The following NUP210 variants were observed in gnomAD, a reference collection of about 807,000 sequenced individuals.
NUP210 encodes the protein nuclear pore membrane glycoprotein 210.
NUP210 carries 151 observed loss-of-function variants against 196.0 expected under a neutral mutation model. That is an observed-to-expected ratio of 0.77 (90% confidence interval 0.67 to 0.88). NUP210 has a LOEUF of 0.88. Among genes scored for constraint, NUP210 ranks in the 40% least tolerant of loss-of-function variants. The pLI is 0.00. For missense variants in NUP210, 2,314 were observed against 2,493.7 expected (o/e 0.93, Z 1.53); for synonymous variants, 1,070 against 1,052.7 (o/e 1.02, Z -0.32).
In NUP210 at chr3:13,360,414, AG is replaced by A; in HGVS notation, c.2009del (p.Pro670LeufsTer41). Reference protein sequence around the residue: ...KEMLFEGGPRPWILEPSKFFQ... With the variant: ...KEMLFEGGPRXWILEPSKFFQ... Reference sequence around the variant, plus strand: ...AGAATTTGGACGGCTCGAGGATCCAAGGTCTGGGACCTCCTTCAAACAGCAT... The same window carrying A: ...AGAATTTGGACGGCTCGAGGATCCAAGTCTGGGACCTCCTTCAAACAGCAT... On this transcript the variant is annotated frameshift_variant, in exon 15 of 40. Coordinates refer to ENST00000254508, the MANE Select transcript of NUP210 (RefSeq NM_024923.4). LOFTEE classifies it high-confidence loss of function. The A allele has an allele frequency of 6.2e-7, 1 of 1,614,104 alleles. No homozygotes were observed. The highest frequency in any genetic ancestry group is 8.5e-7 in the Non-Finnish European group (1 of 1,179,994).
Position 13,394,781 on chromosome 3 carries a change from C to T in NUP210, c.436+2576G>A, listed in dbSNP as rs376373607. ...TTCTCTTTCTTGACATTCATCAATA[C>T]AGATAAGGCACATCATTTCTGGGAC... On this transcript the variant is annotated intron_variant, in intron 3 of 39. Transcript: ENST00000254508. 8.5e-5 allele frequency among the ~76,000 whole-genome samples: 13 copies of T among 152,322 alleles called. No individual in the cohort carries two copies. In the East Asian group the frequency reaches 9.6e-4, roughly 11 times the overall value.
intron 3 of NUP210, among the ~76,000 whole-genome samples, chr3:13,391,939 A>G (rs1163220489): frequency 6.6e-6 from 1 of 151,980 alleles, no homozygotes; most frequent in Non-Finnish European, 1.5e-5. Context: ...CAGATGCCAC[A>G]TGCAAGTCTA....
chr3:13,400,296 G>A (rs1298275649), intron 1 of NUP210, among the ~76,000 whole-genome samples: 26 of 152,170 alleles, frequency 1.7e-4, no homozygotes, highest in Non-Finnish European at 2.9e-5. Flanking sequence ...GCGCACAGCA[G>A]GCTCCAGGCA....
intron 33 of NUP210, among the ~76,000 whole-genome samples, chr3:13,324,895 C>G (rs538779339): frequency 4.6e-5 from 7 of 152,352 alleles, no homozygotes; most frequent in African/African-American, 1.7e-4. Context: ...TTCTGACGTG[C>G]TAACTCACTA....
chr3:13,351,891 C>G lies in NUP210; in HGVS notation c.2823G>C (p.Arg941Ser), dbSNP rs1186166728. ...GGCCCAAGCTTACCATGGCGACACC[C>G]CTGGCCTCCTGGTAGGCCACCTTGA... is the stretch of plus-strand genomic sequence containing the variant. ...DVVKVAYQEA[R>S]GVAMVHPLLP... Residue 941 changes from arginine to serine, a missense_variant, in exon 20 of 40, where the codon AGG (arginine) becomes AGC (serine). By Grantham distance (110) the Arg-to-Ser change is moderately radical (BLOSUM62 -1). Transcript: ENST00000254508. 1.9e-6 allele frequency: 3 copies of G among 1,611,046 alleles called. No individual in the cohort carries two copies. The highest frequency in any genetic ancestry group is 2.5e-6 in the Non-Finnish European group (3 of 1,177,398).
At chr3:13,366,457 C>T (rs1311809206) in intron 13 of NUP210, among the ~76,000 whole-genome samples, 1 of 151,282 alleles carries the variant, frequency 6.6e-6, no homozygotes, top group Admixed American at 6.6e-5. Context: ...GTGGGGAAGG[C>T]ACAACAGGCT....
intron 28 of NUP210, among the ~76,000 whole-genome samples, chr3:13,333,884 A>G (rs182379810): frequency 3.9e-5 from 6 of 152,330 alleles, no homozygotes; most frequent in African/African-American, 1.2e-4. Flanking sequence ...TAACTATAAG[A>G]AAAGCAACAG....
intron 1 of NUP210, among the ~76,000 whole-genome samples, chr3:13,414,300 C>G (rs757940529): frequency 6.6e-5 from 10 of 152,264 alleles, no homozygotes; most frequent in Non-Finnish European, 1.2e-4. Flanking sequence ...AGAGCTCAGG[C>G]AGAGTGGGGG....
chr3:13,332,357 G>T lies in NUP210; in HGVS notation c.3871C>A (p.Pro1291Thr). 1.2e-6 allele frequency: 2 copies of T among 1,613,570 alleles called. No individual in the cohort carries two copies. Among genetic ancestry groups the T allele is most frequent in the Non-Finnish European group, 1.7e-6 (2 of 1,179,752 alleles). The change falls in exon 29 of 40, where the codon CCT (proline) becomes ACT (threonine). Residue 1291 changes from proline to threonine, a missense_variant. Coordinates refer to ENST00000254508, the MANE Select transcript of NUP210 (RefSeq NM_024923.4). ...QVFEKLQLLN[P>T]EIEAEQILMS... Reference sequence around the variant, plus strand: ...AATATTTGTTCTGCTTCTATTTCAGGGTTGAGCAGCTGCAGCTTCTCAAAC... The same window carrying T: ...AATATTTGTTCTGCTTCTATTTCAGTGTTGAGCAGCTGCAGCTTCTCAAAC...
At position 13,340,271 on chromosome 3, in the gene NUP210, T is replaced by A. The variant is rs770912623; in HGVS notation, c.3256A>T (p.Arg1086Trp). 1 of 1,613,438 alleles carries A rather than the reference T, an allele frequency of 6.2e-7. No individual in the cohort carries two copies. ...GCCCCGATAAGCAGTGTCACCTTCC[T>A]GGGCATCAGCCTGAACGGGGGAAAG... ...EVFPPFRLMP[R>W]KVTLLIGATM... Residue 1086 changes from arginine to tryptophan, a missense_variant, in exon 24 of 40, where the codon AGG becomes TGG. Coordinates refer to ENST00000254508, the MANE Select transcript of NUP210 (RefSeq NM_024923.4). The surrounding 1 kb of genome is among the most constrained non-coding windows in gnomAD (Gnocchi z 4.0).
At chr3:13,377,348 G>T in intron 9 of NUP210, 108 bp downstream of exon 9, 1 of 764,834 alleles carries the variant, frequency 1.3e-6, no homozygotes, top group Non-Finnish European at 2.3e-6. Flanking sequence ...ACCCCTCCTC[G>T]GTCAGCCTGC....
At chr3:13,393,920 A>G (rs566168305) in intron 3 of NUP210, among the ~76,000 whole-genome samples, 2 of 152,300 alleles carry the variant, frequency 1.3e-5, no homozygotes, top group African/African-American at 4.8e-5. Context: ...AGGCAATTCA[A>G]CCTAGCAAAC....
At chr3:13,419,977 G>C in intron 1 of NUP210, 83 bp downstream of exon 1, 1 of 944,712 alleles carries the variant, frequency 1.1e-6, no homozygotes, top group Non-Finnish European at 1.3e-6. Flanking sequence ...CGGCTCTGCC[G>C]GCCTCCCGGC....
Position 13,397,475 on chromosome 3 carries a change from G to T in NUP210, c.318C>A (p.Val106=), listed in dbSNP as rs1280963537. The part of the protein sequence containing the change: ...IFAEDITTGQ[V]LRCDAIVDLI... ...GGTCCACAATGGCATCACAGCGCAG[G>T]ACCTGGCCTGTGGCTGGAGGAACCC... The change falls in exon 3 of 40, where the codon GTC becomes GTA. Residue 106 remains valine, a synonymous_variant. Transcript: ENST00000254508. 1 of 1,601,974 alleles carries T rather than the reference G, an allele frequency of 6.2e-7. No individual in the cohort carries two copies. The highest frequency in any genetic ancestry group is 2.3e-5 in the East Asian group (1 of 43,782).
chr3:13,371,220 C>T (rs1698719009), intron 13 of NUP210, among the ~76,000 whole-genome samples: 1 of 152,228 alleles, frequency 6.6e-6, no homozygotes, highest in South Asian at 2.1e-4. Flanking sequence ...ATCTGCACCC[C>T]ATCCCTGTCC....
chr3:13,340,940 G>C lies in NUP210; in HGVS notation c.3229-642C>G, dbSNP rs528358624. Reference sequence around the variant, plus strand: ...TGGCCAGGGTGCTACTTGTGTGGGAGTATCGGTCTCTGTAGCTGTGCTATT... The same window carrying C: ...TGGCCAGGGTGCTACTTGTGTGGGACTATCGGTCTCTGTAGCTGTGCTATT... On this transcript the variant is annotated intron_variant, in intron 23 of 39. Coordinates refer to ENST00000254508, the MANE Select transcript of NUP210 (RefSeq NM_024923.4). The surrounding 1 kb of genome is among the most constrained non-coding windows in gnomAD (Gnocchi z 4.0). 1 of 152,386 alleles carries C rather than the reference G, an allele frequency of 6.6e-6. No individual in the cohort carries two copies. The highest frequency in any genetic ancestry group is 2.4e-5 in the African/African-American group (1 of 41,422). 9.4% of individuals were successfully genotyped at this position (152,386 alleles called of 1,614,324 possible). A position where few individuals can be genotyped will look rare whatever the true frequency, so the allele number is the denominator to read the frequency against.
rs183224930 is a variant in NUP210 at position 13,415,199 on chromosome 3, G to C, written c.167+4861C>G. ...GCCGAGATCGTGCCACTGCACTCCA[G>C]CCTGGCAACACAGCGAGACTCCATC... On this transcript the variant is annotated intron_variant, in intron 1 of 39. Transcript: ENST00000254508. Among the ~76,000 whole-genome samples the C allele has an allele frequency of 7.5e-3, 1,135 of 152,330 alleles. 8 individuals carry two copies. Among genetic ancestry groups the C allele is most frequent in the Middle Eastern group, 0.048 (14 of 294 alleles).
chr3:13,347,594 G>A lies in NUP210; in HGVS notation c.2835+4285C>T, dbSNP rs1697795509. On this transcript the variant is annotated intron_variant, in intron 20 of 39. Transcript: ENST00000254508. The surrounding 1 kb of genome is among the most constrained non-coding windows in gnomAD (Gnocchi z 4.7). The stretch of plus-strand genomic sequence containing the variant: ...CGTGAGCCCCAGAGAGCCCCCCAGA[G>A]ACACTCCAAAGCCACACATTCCCGC... Among the ~76,000 whole-genome samples the A allele has an allele frequency of 2.0e-5, 3 of 152,068 alleles. No homozygotes were observed. The South Asian group carries it at 6.2e-4, about 32-fold the overall frequency.
At chr3:13,331,789 G>A (rs1485824869) in intron 29 of NUP210, among the ~76,000 whole-genome samples, 2 of 152,134 alleles carry the variant, frequency 1.3e-5, no homozygotes, top group African/African-American at 4.8e-5. Flanking sequence ...GCATCCCCTT[G>A]GAATCAAAGG....
Sources: allele counts gnomAD v4.1 joint callset (sites outside exome capture counted in the v4.1 genomes callset), GRCh38; gene constraint gnomAD v4.1.1; non-coding constraint Gnocchi (gnomAD v3.1); transcripts MANE v1.5; gene names NCBI Gene and HGNC (gene_info 2026-07-23, HGNC 2026-07-21).